Variants in PDE4D observed in about 807,000 individuals in gnomAD.
The protein encoded by PDE4D is 3',5'-cyclic-AMP phosphodiesterase 4D.
In PDE4D, 24 loss-of-function variants were observed where a neutral mutation model predicts 87.4. The ratio of observed to expected loss-of-function variants is 0.27; its 90% CI spans 0.20 to 0.39. PDE4D has a LOEUF of 0.39. Ranked by LOEUF, PDE4D falls within the 10% of genes least tolerant of loss-of-function variation. The pLI is 1.00. For missense variants in PDE4D, 714 were observed against 1,041.0 expected (o/e 0.69, Z 4.32); for synonymous variants, 384 against 383.2 (o/e 1.00, Z -0.02).
At chr5:59,023,635 G>A (rs1755651643) in intron 6 of PDE4D, among the ~76,000 whole-genome samples, 1 of 152,270 alleles carries the variant, frequency 6.6e-6, no homozygotes, top group East Asian at 1.9e-4. Flanking sequence ...CAGCCTGGTT[G>A]ACAAGGTGAG....
At chr5:59,978,774 GTGTTATTCTAAGAAAT>G (rs1761612927) in intron 3 of PDE4D, among the ~76,000 whole-genome samples, 1 of 152,146 alleles carries the variant, frequency 6.6e-6, no homozygotes, top group Non-Finnish European at 1.5e-5. Context: ...TTTCACTGTA[GTGTTATTCTAAGAAAT>G]TGTCACAGCC....
At chr5:59,183,627 C>A (rs1742205925) in intron 4 of PDE4D, among the ~76,000 whole-genome samples, 1 of 152,140 alleles carries the variant, frequency 6.6e-6, no homozygotes, top group Non-Finnish European at 1.5e-5. Context: ...TTCTGCAGAG[C>A]TGAGACTTTC....
At chr5:59,897,161 A>C (rs1199534044), upstream of PDE4D, among the ~76,000 whole-genome samples, 1 of 152,212 alleles carries the variant, frequency 6.6e-6, no homozygotes, top group Non-Finnish European at 1.5e-5. Context: ...AAACTTAAAT[A>C]AGCAGTTAGT....
chr5:58,975,332 G>C lies in PDE4D; in HGVS notation c.2014-252C>G, dbSNP rs905325959. The stretch of plus-strand genomic sequence containing the variant: ...TAGCATAAAAAATTTTCCAGTTGTT[G>C]ACATGGTAGGGCTTATTTTACAATC... On this transcript the variant is annotated intron_variant, in intron 14 of 14. Coordinates refer to ENST00000340635, the MANE Select transcript of PDE4D (RefSeq NM_001104631.2). This position sits in a 1 kb window ranked among gnomAD's most constrained non-coding sequence, Gnocchi z 4.2. Among the ~76,000 whole-genome samples, 6 of 152,158 alleles carry C rather than the reference G, an allele frequency of 3.9e-5. No homozygotes were observed. The highest frequency in any genetic ancestry group is 5.9e-5 in the Non-Finnish European group (4 of 68,022).
intron 1 of PDE4D, among the ~76,000 whole-genome samples, chr5:59,435,634 C>T (rs1352079586): frequency 6.6e-6 from 1 of 152,110 alleles, no homozygotes; most frequent in African/African-American, 2.4e-5. Context: ...CAACTCTTCC[C>T]CATGACTTTT....
At chr5:59,162,853 CAA>C (rs368976708) in intron 5 of PDE4D, among the ~76,000 whole-genome samples, 4 of 121,566 alleles carry the variant, frequency 3.3e-5, no homozygotes, top group African/African-American at 3.2e-5. Flanking sequence ...GACCCTGCAT[CAA>C]AAAAAAAAAA....
intron 1 of PDE4D, among the ~76,000 whole-genome samples, chr5:59,240,144 C>G (rs1042293144): frequency 6.6e-5 from 10 of 152,094 alleles, no homozygotes; most frequent in African/African-American, 1.4e-4. Flanking sequence ...GTTCAGGCAG[C>G]CCACCTATAT....
chr5:59,703,628 TG>T, intron 1 of PDE4D: 1 of 534,134 alleles, frequency 1.9e-6, no homozygotes, highest in Non-Finnish European at 3.8e-6. Context: ...TTGCACCCTT[TG>T]GGTTCAGTTG....
At chr5:59,510,111 T>A (rs973968206) in intron 1 of PDE4D, among the ~76,000 whole-genome samples, 6 of 150,520 alleles carry the variant, frequency 4.0e-5, no homozygotes, top group African/African-American at 1.5e-4. Flanking sequence ...AACTCATTCC[T>A]TTGGAAAACA....
chr5:59,172,475 G>A lies in PDE4D; in HGVS notation c.808+8120C>T, dbSNP rs959967930. On this transcript the variant is annotated intron_variant, in intron 5 of 14. Coordinates refer to ENST00000340635, the MANE Select transcript of PDE4D (RefSeq NM_001104631.2). ...TTTGGGAGGCCAAGGTGGGCAGATT[G>A]CTTGAGCCTAGGAGTTCCAGATCAG... Among the ~76,000 whole-genome samples the A allele has an allele frequency of 1.1e-4, 17 of 148,154 alleles. No individual in the cohort carries two copies. The Middle Eastern group carries it at 0.011, about 92-fold the overall frequency.
intron 3 of PDE4D, among the ~76,000 whole-genome samples, chr5:59,914,744 A>G (rs765260505): frequency 1.3e-5 from 2 of 152,198 alleles, no homozygotes; most frequent in African/African-American, 4.8e-5. Flanking sequence ...GTGTGGAGAT[A>G]CATATAGCAG....
chr5:60,437,021 G>C (rs1444119554), intron 1 of PDE4D, among the ~76,000 whole-genome samples: 2 of 152,002 alleles, frequency 1.3e-5, no homozygotes, highest in Admixed American at 6.6e-5. Flanking sequence ...CACATATTCT[G>C]ACTCGACCAC....
At chr5:59,719,271 T>C (rs1755484079) in intron 1 of PDE4D, among the ~76,000 whole-genome samples, 1 of 152,156 alleles carries the variant, frequency 6.6e-6, no homozygotes, top group Admixed American at 6.6e-5. Context: ...TATCAGCATG[T>C]CTTATTTCAA....
chr5:59,581,157 C>G (rs1203441443), intron 1 of PDE4D, among the ~76,000 whole-genome samples: 1 of 151,926 alleles, frequency 6.6e-6, no homozygotes, highest in Non-Finnish European at 1.5e-5. Context: ...TATAGCTAGA[C>G]AGAGTATTAA....
chr5:60,250,511 G>C (rs750298755), intron 1 of PDE4D, among the ~76,000 whole-genome samples: 1 of 151,816 alleles, frequency 6.6e-6, no homozygotes, highest in Non-Finnish European at 1.5e-5. Context: ...GTCAACAATG[G>C]ACCACATACT....
At chr5:59,082,031 A>G (rs551407930) in intron 5 of PDE4D, among the ~76,000 whole-genome samples, 1 of 152,256 alleles carries the variant, frequency 6.6e-6, no homozygotes, top group East Asian at 1.9e-4. Context: ...AAAGAGGTGC[A>G]TTCTGCCATG....
chr5:59,590,557 T>C (rs56841386), intron 1 of PDE4D, among the ~76,000 whole-genome samples: 3,492 of 152,230 alleles, frequency 0.023, 131 homozygotes, highest in African/African-American at 0.079. Flanking sequence ...ATTATCTTTA[T>C]GGCTAATCTC....
chr5:60,306,171 A>G (rs1453376924), intron 1 of PDE4D, among the ~76,000 whole-genome samples: 1 of 151,478 alleles, frequency 6.6e-6, no homozygotes, highest in Non-Finnish European at 1.5e-5. Flanking sequence ...TCATAAGATA[A>G]CCTTTAAAAA....
At chr5:59,008,671 G>A (rs545412883) in intron 6 of PDE4D, among the ~76,000 whole-genome samples, 1 of 151,960 alleles carries the variant, frequency 6.6e-6, no homozygotes, top group African/African-American at 2.4e-5. Context: ...TTGTGATCTT[G>A]CGTTAGGCAA....
Sources: allele counts gnomAD v4.1 joint callset (sites outside exome capture counted in the v4.1 genomes callset), GRCh38; gene constraint gnomAD v4.1.1; non-coding constraint Gnocchi (gnomAD v3.1); transcripts MANE v1.5; gene names NCBI Gene and HGNC (gene_info 2026-07-23, HGNC 2026-07-21).